DAB1: variants seen among roughly 807,000 people sequenced by gnomAD.
DAB1 encodes DAB adaptor protein 1, also known as disabled homolog 1.
A neutral mutation model predicts 64.6 loss-of-function variants in DAB1; 15 were observed. The observed-to-expected ratio is 0.23, with a 90% CI of 0.16 to 0.36. The LOEUF is 0.36. Ranked by LOEUF, DAB1 falls within the 10% of genes least tolerant of loss-of-function variation. The pLI is 1.00. For missense variants in DAB1, 596 were observed against 706.7 expected (o/e 0.84, Z 1.78); for synonymous variants, 235 against 251.9 (o/e 0.93, Z 0.64).
intron 14 of DAB1, among the ~76,000 whole-genome samples, chr1:57,010,069 G>A (rs916769808): frequency 3.2e-4 from 49 of 152,230 alleles, no homozygotes; most frequent in African/African-American, 1.1e-3. Context: ...CTTACATCTC[G>A]ATCAATCTTA....
At chr1:57,622,191 C>A (rs1427770433) in intron 7 of DAB1, among the ~76,000 whole-genome samples, 2 of 152,104 alleles carry the variant, frequency 1.3e-5, no homozygotes, top group African/African-American at 4.8e-5. Flanking sequence ...ACGTTTCTAC[C>A]CATTAGAAGA....
chr1:57,466,296 T>C (rs1686951987), intron 7 of DAB1, among the ~76,000 whole-genome samples: 1 of 152,212 alleles, frequency 6.6e-6, no homozygotes, highest in Non-Finnish European at 1.5e-5. Context: ...GGACTCATTT[T>C]CTCAACATAT....
chr1:57,536,575 C>T (rs1644731095), intron 7 of DAB1, among the ~76,000 whole-genome samples: 1 of 151,498 alleles, frequency 6.6e-6, no homozygotes, highest in Non-Finnish European at 1.5e-5. Flanking sequence ...AACCAATAAA[C>T]CTAATACACG....
intron 5 of DAB1, among the ~76,000 whole-genome samples, chr1:58,025,347 A>C (rs2100463457): frequency 6.6e-6 from 1 of 152,060 alleles, no homozygotes; most frequent in South Asian, 2.1e-4. Flanking sequence ...AGATGGCAGA[A>C]CCTGGAAATC....
intron 2 of DAB1, among the ~76,000 whole-genome samples, chr1:57,168,779 G>A (rs1294188439): frequency 6.6e-6 from 1 of 152,098 alleles, no homozygotes; most frequent in Non-Finnish European, 1.5e-5. Flanking sequence ...AAATCAGCTG[G>A]GTGCAGTGAT....
chr1:58,050,012 T>C lies in DAB1; in HGVS notation n.387+100499A>G, dbSNP rs189048737. Among the ~76,000 whole-genome samples the C allele has an allele frequency of 1.3e-4, 20 of 152,284 alleles. No homozygotes were observed. The East Asian group carries it at 2.7e-3, about 21-fold the overall frequency. On this transcript the variant is annotated intron_variant and non_coding_transcript_variant, in intron 5 of 20. Transcript: ENST00000485760. ...CATGCAGGGAACTCTAAAGAAGTGA[T>C]ATTAAATGGAGACCATAACAATGAG...
At chr1:57,760,412 T>C (rs1649022129) in intron 6 of DAB1, among the ~76,000 whole-genome samples, 1 of 152,144 alleles carries the variant, frequency 6.6e-6, no homozygotes, top group African/African-American at 2.4e-5. Flanking sequence ...ACTATCATTT[T>C]TGAGAGCCTG....
rs111442571 is a variant in DAB1 at position 57,007,541 on chromosome 1, C to T, written c.*15+3139G>A. ...GAAAAAAGTGAAGTAATTGAAGATACTTTCCTTTATTGCTAAAACAGCACT... is the reference window on the plus strand; with the variant it reads ...GAAAAAAGTGAAGTAATTGAAGATATTTTCCTTTATTGCTAAAACAGCACT... On this transcript the variant is annotated intron_variant, in intron 14 of 14. Coordinates refer to ENST00000371236, the MANE Select transcript of DAB1 (RefSeq NM_001365792.1). 1.5e-3 allele frequency among the ~76,000 whole-genome samples: 230 copies of T among 152,294 alleles called. 1 individual carries two copies. Among genetic ancestry groups the T allele is most frequent in the African/African-American group, 5.3e-3 (219 of 41,564 alleles).
intron 2 of DAB1, among the ~76,000 whole-genome samples, chr1:57,226,550 T>C (rs1280745209): frequency 6.6e-6 from 1 of 151,940 alleles, no homozygotes; most frequent in African/African-American, 2.4e-5. Flanking sequence ...GTCTGAGCCA[T>C]TTGCATCTTC....
intron 6 of DAB1, among the ~76,000 whole-genome samples, chr1:57,776,867 A>G (rs767460418): frequency 3.3e-5 from 5 of 151,694 alleles, no homozygotes; most frequent in African/African-American, 4.8e-5. Flanking sequence ...AGGAAAGATG[A>G]TTTTATTTAC....
intron 6 of DAB1, among the ~76,000 whole-genome samples, chr1:57,694,836 C>T (rs3126015): frequency 0.74 from 111,948 of 151,942 alleles, 42,160 homozygotes; most frequent in East Asian, 0.93. Context: ...CTCCACATTA[C>T]TTGGAAGCAA....
chr1:58,085,742 TC>T (rs1650261149), intron 5 of DAB1, among the ~76,000 whole-genome samples: 2 of 151,920 alleles, frequency 1.3e-5, no homozygotes, highest in Non-Finnish European at 2.9e-5. Context: ...TGAAATAATT[TC>T]CCCCTACACG....
intron 5 of DAB1, among the ~76,000 whole-genome samples, chr1:58,043,656 A>T (rs1334589288): frequency 6.6e-6 from 1 of 152,138 alleles, no homozygotes; most frequent in Non-Finnish European, 1.5e-5. Flanking sequence ...TTCTTTTCTC[A>T]TCTATAAAAT....
At chr1:57,310,795 A>G (rs1464122691) in intron 1 of DAB1, among the ~76,000 whole-genome samples, 2 of 152,206 alleles carry the variant, frequency 1.3e-5, no homozygotes. Flanking sequence ...CATGTCACAG[A>G]TAAGAAACTT....
chr1:57,343,323 A>T (rs1040520174), intron 1 of DAB1, among the ~76,000 whole-genome samples: 1 of 152,216 alleles, frequency 6.6e-6, no homozygotes, highest in Non-Finnish European at 1.5e-5. Flanking sequence ...GTATATTTAC[A>T]ATCCCTTAGC....
intron 4 of DAB1, among the ~76,000 whole-genome samples, chr1:58,289,097 C>T (rs1442310552): frequency 3.3e-5 from 5 of 152,190 alleles, no homozygotes; most frequent in Non-Finnish European, 5.9e-5. Context: ...TCTCCTATCA[C>T]GCATTTGCAT....
At chr1:57,436,431 T>C (rs1159729222) in intron 7 of DAB1, among the ~76,000 whole-genome samples, 2 of 152,222 alleles carry the variant, frequency 1.3e-5, no homozygotes, top group African/African-American at 4.8e-5. Flanking sequence ...TTTTCAATTA[T>C]TTCAAAAGAG....
At chr1:57,978,187 A>G (rs757812594) in intron 5 of DAB1, among the ~76,000 whole-genome samples, 27 of 152,322 alleles carry the variant, frequency 1.8e-4, no homozygotes, top group South Asian at 4.1e-4. Context: ...TACAGTAACC[A>G]AAACAGCATG....
intron 3 of DAB1, among the ~76,000 whole-genome samples, chr1:58,432,614 G>T (rs1644892228): frequency 6.6e-6 from 1 of 152,178 alleles, no homozygotes. Context: ...AAAATGGGAA[G>T]TATTTACTTG....
Sources: gnomAD v4.1 joint callset for allele counts (sites outside exome capture counted in the v4.1 genomes callset) on GRCh38, gnomAD v4.1.1 for gene constraint, MANE v1.5 for transcripts, NCBI Gene and HGNC (gene_info 2026-07-23, HGNC 2026-07-21) for gene names.